The following PTPN7 variants were observed in gnomAD, a reference collection of about 807,000 sequenced individuals.
The protein encoded by PTPN7 is protein tyrosine phosphatase non-receptor type 7.
PTPN7 carries 33 observed loss-of-function variants against 50.3 expected under a neutral mutation model. The observed-to-expected ratio is 0.66, with a 90% CI of 0.50 to 0.88. The LOEUF (loss-of-function observed/expected upper bound fraction) is 0.88, where lower values mean the gene tolerates loss of function less well. PTPN7 is among the 40% of genes least tolerant of loss of function. PTPN7 has a pLI of 0.00. For missense variants in PTPN7, 412 were observed against 475.4 expected, an observed-to-expected ratio of 0.87 and a Z score of 1.24; for synonymous variants, 185 against 186.6, an observed-to-expected ratio of 0.99 and a Z score of 0.07.
rs373672306 is a variant in PTPN7 at position 202,149,566 on chromosome 1, T to C, written c.989+745A>G. ...AATCCCAGCACTTTGCAAAGCCAAG[T>C]GGGCATTGTTGAGCCCAGGAGTTCG... is the stretch of plus-strand genomic sequence containing the variant. On this transcript the variant is annotated intron_variant, in intron 9 of 9. Coordinates refer to ENST00000691036, the MANE Select transcript of PTPN7 (RefSeq NM_002832.4). Among the ~76,000 whole-genome samples the C allele has an allele frequency of 5.3e-5, 8 of 152,052 alleles. No individual in the cohort carries two copies. The East Asian group carries it at 1.2e-3, about 22-fold the overall frequency.
intron 3 of PTPN7, 135 bp from the exon 4 acceptor site, chr1:202,157,958 A>G: frequency 8.1e-7 from 1 of 1,238,226 alleles, no homozygotes; most frequent in African/African-American, 1.5e-5. Context: ...GTGGGGGCAG[A>G]AGGGGAAGCC....
At position 202,155,570 on chromosome 1, in the gene PTPN7, T is replaced by G. The variant is rs747452054; in HGVS notation, c.431A>C (p.Gln144Pro). The G allele has an allele frequency of 6.4e-7, 1 of 1,574,596 alleles. No homozygotes were observed. The highest frequency in any genetic ancestry group is 8.7e-7 in the Non-Finnish European group (1 of 1,144,330). ...GGCATTGATGTAATCTCCGTCCTCCTGGCTCTGTGCCCGGCCTAGACAGAC... is the reference window on the plus strand; with the variant it reads ...GGCATTGATGTAATCTCCGTCCTCCGGGCTCTGTGCCCGGCCTAGACAGAC... ...SRVCLGRAQS[Q>P]EDGDYINANY... Residue 144 changes from glutamine to proline, a missense_variant, in exon 5 of 10, where the codon CAG becomes CCG. Physicochemically the swap from Gln to Pro is moderately conservative, Grantham distance 76. Transcript: ENST00000691036.
chr1:202,152,200 C>T (rs1188728997), intron 8 of PTPN7, among the ~76,000 whole-genome samples: 2 of 152,210 alleles, frequency 1.3e-5, no homozygotes, highest in African/African-American at 2.4e-5. Context: ...TGTGAACCAC[C>T]GTGCCCGGCC....
At position 202,160,411 on chromosome 1, in the gene PTPN7, C is replaced by T; in HGVS notation, c.-53+134G>A. Reference sequence around the variant, plus strand: ...GTCTTGGGGACATCAGGTCTGTGAGCACCCATACCCCAGCCAGGCACTGTG... The same window carrying T: ...GTCTTGGGGACATCAGGTCTGTGAGTACCCATACCCCAGCCAGGCACTGTG... On this transcript the variant is annotated intron_variant, in intron 1 of 9. Transcript: ENST00000691036. The surrounding 1 kb of genome is among the most constrained non-coding windows in gnomAD (Gnocchi z 4.8). The T allele has an allele frequency of 2.2e-6, 2 of 910,000 alleles. No individual in the cohort carries two copies. Among genetic ancestry groups the T allele is most frequent in the Non-Finnish European group, 3.3e-6 (2 of 603,608 alleles). 56.4% of individuals were successfully genotyped at this position (910,000 alleles called of 1,614,324 possible). A position where few individuals can be genotyped will look rare whatever the true frequency, so the allele number is the denominator to read the frequency against.
chr1:202,150,451 G>A lies in PTPN7; in HGVS notation c.876-27C>T, dbSNP rs756435401. On this transcript the variant is annotated intron_variant, in intron 8 of 9. Transcript: ENST00000691036. ...TGGAGATAGCCAGGGAGGGGACAGGGAGGTCATGGGAGACCAGGGAATATG... is the reference window on the plus strand; with the variant it reads ...TGGAGATAGCCAGGGAGGGGACAGGAAGGTCATGGGAGACCAGGGAATATG... The A allele has an allele frequency of 3.2e-5, 49 of 1,550,478 alleles. 1 individual carries two copies. In the Admixed American group the frequency reaches 7.9e-4, roughly 25 times the overall value.
chr1:202,161,414 A>G, upstream of PTPN7: 2 of 1,287,984 alleles, frequency 1.6e-6, no homozygotes, highest in Non-Finnish European at 2.0e-6. Flanking sequence ...TGGCCCTCAC[A>G]CCAGGGGACT....
chr1:202,152,749 T>A, intron 7 of PTPN7, 50 bp from the exon 8 acceptor site: 3 of 1,583,068 alleles, frequency 1.9e-6, no homozygotes, highest in Non-Finnish European at 2.6e-6. Flanking sequence ...GAGGGCACTG[T>A]CTACCTTCTT....
chr1:202,160,731 G>A, upstream of PTPN7: 1 of 1,550,358 alleles, frequency 6.5e-7, no homozygotes, highest in South Asian at 1.2e-5. The surrounding 1 kb of genome is among the most constrained non-coding windows in gnomAD (Gnocchi z 4.8). Flanking sequence ...GGGGTCGGCT[G>A]CCTCCCGCCT....
rs1356061323 is a variant in PTPN7 at position 202,160,182 on chromosome 1, G to A, written c.-53+363C>T. On this transcript the variant is annotated intron_variant, in intron 1 of 9. Transcript: ENST00000691036. The surrounding 1 kb of genome is among the most constrained non-coding windows in gnomAD (Gnocchi z 4.8). The stretch of plus-strand genomic sequence containing the variant: ...AGGTGGTGGGACCATCTCCTCTTGG[G>A]GGCAGTCCCTATCTCCCAGAGCCAG... Among the ~76,000 whole-genome samples the A allele has an allele frequency of 6.6e-6, 1 of 152,120 alleles. No individual in the cohort carries two copies. The highest frequency in any genetic ancestry group is 1.5e-5 in the Non-Finnish European group (1 of 68,014).
rs576383525 is a variant in PTPN7, at chr1:202,153,168, G to GT, written c.718-470dup. Among the ~76,000 whole-genome samples the GT allele has an allele frequency of 7.2e-4, 109 of 151,188 alleles. 2 individuals are homozygous for GT. Among genetic ancestry groups the GT allele is most frequent in the South Asian group, 1.9e-3 (9 of 4,774 alleles). ...TCTCTTTTTTTGTTTTATTTTGTTT[G>GT]TTTTTTTTTGAGACAGACAGTCTCA... On this transcript the variant is annotated intron_variant, in intron 7 of 9. Transcript: ENST00000691036.
rs1000493902 is a variant in PTPN7, at chr1:202,158,468, C to T, written c.123-167G>A. ...CTCAAACTCCTGGGCTGAAGCAATC[C>T]TCCCACCTCAGCCTCCAGAGTAACT... On this transcript the variant is annotated intron_variant, in intron 2 of 9. Coordinates refer to ENST00000691036, the MANE Select transcript of PTPN7 (RefSeq NM_002832.4). 6.3e-6 allele frequency: 4 copies of T among 639,082 alleles called. No homozygotes were observed. In the East Asian group the frequency reaches 8.9e-5, roughly 14 times the overall value. 39.6% of individuals were successfully genotyped at this position (639,082 alleles called of 1,614,324 possible).
At chr1:202,150,805 C>T (rs919730089) in intron 8 of PTPN7, among the ~76,000 whole-genome samples, 7 of 152,134 alleles carry the variant, frequency 4.6e-5, no homozygotes, top group Admixed American at 3.9e-4. Context: ...TTCCTCTCAG[C>T]TCAGACTCAT....
chr1:202,160,559 C>A lies in PTPN7; in HGVS notation c.-67G>T. The A allele has an allele frequency of 2.6e-6, 4 of 1,549,156 alleles. No individual in the cohort carries two copies. Among genetic ancestry groups the A allele is most frequent in the South Asian group, 1.2e-5 (1 of 83,974 alleles). ...CAGATACTTACTGAAGCAGCTGTGGCCCCCAGGCTGCCTCTTGCCAGCTGT... is the reference window on the plus strand; with the variant it reads ...CAGATACTTACTGAAGCAGCTGTGGACCCCAGGCTGCCTCTTGCCAGCTGT... On this transcript the variant is annotated 5_prime_UTR_variant, in exon 1 of 10. Transcript: ENST00000691036. This position sits in a 1 kb window ranked among gnomAD's most constrained non-coding sequence, Gnocchi z 4.8.
chr1:202,157,668 A>G (rs1249908351), intron 4 of PTPN7, 71 bp downstream of exon 4: 2 of 1,420,924 alleles, frequency 1.4e-6, no homozygotes, highest in Non-Finnish European at 2.0e-6. Flanking sequence ...GAAACTGTGT[A>G]CTTTGTCCTC....
At chr1:202,160,989 T>C, upstream of PTPN7, 3 of 1,407,720 alleles carry the variant, frequency 2.1e-6, no homozygotes, top group Non-Finnish European at 2.8e-6. This position sits in a 1 kb window ranked among gnomAD's most constrained non-coding sequence, Gnocchi z 4.8. Context: ...TTATTTCTCC[T>C]TCTCTGCTTC....
intron 9 of PTPN7, chr1:202,149,820 CTTTTTTTTGT>C (rs1655725861): frequency 8.1e-6 from 1 of 123,188 alleles, no homozygotes; most frequent in African/African-American, 3.2e-5. Context: ...GACAGATATT[CTTTTTTTTGT>C]TTTTTTTTTT....
At position 202,152,564 on chromosome 1, in the gene PTPN7, CG is replaced by C. The variant is rs758919542; in HGVS notation, c.852del (p.Pro286LeufsTer3). 1.1e-4 allele frequency: 176 copies of C among 1,613,172 alleles called. No individual in the cohort carries two copies. Among genetic ancestry groups the C allele is most frequent in the Non-Finnish European group, 1.4e-4 (164 of 1,179,974 alleles). On this transcript the variant is annotated frameshift_variant, in exon 8 of 10. Transcript: ENST00000691036. LOFTEE classifies it high-confidence loss of function. The stretch of plus-strand genomic sequence containing the variant: ...CACCTGCAGTGGACTACGATAGGCC[CG>C]GGGTGGGCGGCTGTCTCCGGGCTCT... ...VEESPETAAH[P>X]GPIVVHCSAG...
intron 4 of PTPN7, among the ~76,000 whole-genome samples, chr1:202,156,462 T>A (rs1425152987): frequency 6.6e-6 from 1 of 152,244 alleles, no homozygotes; most frequent in African/African-American, 2.4e-5. Flanking sequence ...GCATTTGGCC[T>A]CTGCCTCTAA....
intron 7 of PTPN7, 23 bp from the exon 8 acceptor site, chr1:202,152,722 G>A (rs1281164413): frequency 1.2e-6 from 2 of 1,612,626 alleles, no homozygotes; most frequent in Non-Finnish European, 1.7e-6. Context: ...CAAGGCATGA[G>A]AACCAAGGTC....
Sources: allele counts gnomAD v4.1 joint callset (sites outside exome capture counted in the v4.1 genomes callset), GRCh38; gene constraint gnomAD v4.1.1; non-coding constraint Gnocchi (gnomAD v3.1); transcripts MANE v1.5; gene names NCBI Gene and HGNC (gene_info 2026-07-23, HGNC 2026-07-21).